PTPRN2: variants seen among roughly 807,000 people sequenced by gnomAD.
PTPRN2 encodes receptor-type tyrosine-protein phosphatase N2.
Under a neutral mutation model 118.8 loss-of-function variants are expected in PTPRN2, and 74 were observed. The ratio of observed to expected loss-of-function variants is 0.62; its 90% CI spans 0.52 to 0.76. PTPRN2 has a LOEUF of 0.76. PTPRN2 is among the 30% of genes least tolerant of loss of function. PTPRN2 has a pLI of 0.00. For synonymous variants in PTPRN2, 641 were observed against 608.0 expected (o/e 1.05, Z -0.80); for missense variants, 1,481 against 1,394.4 (o/e 1.06, Z -0.99).
chr7:158,341,013 G>A (rs1311345504), intron 2 of PTPRN2, among the ~76,000 whole-genome samples: 2 of 41,602 alleles, frequency 4.8e-5, no homozygotes, highest in East Asian at 6.0e-4. Flanking sequence ...GAAACCTGCA[G>A]ACGTCACTCA....
intron 2 of PTPRN2, among the ~76,000 whole-genome samples, chr7:158,337,451 T>A (rs1805867036): frequency 6.9e-6 from 1 of 144,222 alleles, no homozygotes; most frequent in Non-Finnish European, 1.5e-5. Context: ...CCCACAGACG[T>A]CACTCAAACC....
At position 158,379,540 on chromosome 7, in the gene PTPRN2, A is replaced by T. The variant is rs1810798792; in HGVS notation, c.164-62608T>A. Reference sequence around the variant, plus strand: ...AATGGTACAGACGAAAGACAAAAACAACTCCGAACTCAAACTCACACCTCA... The same window carrying T: ...AATGGTACAGACGAAAGACAAAAACTACTCCGAACTCAAACTCACACCTCA... On this transcript the variant is annotated intron_variant, in intron 2 of 22. Transcript: ENST00000389418. 2.0e-5 allele frequency among the ~76,000 whole-genome samples: 3 copies of T among 151,934 alleles called. No individual in the cohort carries two copies. In the South Asian group the frequency reaches 6.2e-4, roughly 32 times the overall value.
intron 1 of PTPRN2, among the ~76,000 whole-genome samples, chr7:158,497,480 C>A (rs1407582195): frequency 6.6e-6 from 1 of 151,984 alleles, no homozygotes; most frequent in African/African-American, 2.4e-5. Flanking sequence ...CAGCGCAGGG[C>A]ATTTCTGGAG....
chr7:158,068,001 C>T (rs549996357), intron 11 of PTPRN2, among the ~76,000 whole-genome samples: 1 of 152,188 alleles, frequency 6.6e-6, no homozygotes, highest in African/African-American at 2.4e-5. Context: ...GTGGCATGGA[C>T]CTTGCAGCTG....
intron 15 of PTPRN2, among the ~76,000 whole-genome samples, chr7:157,613,767 G>T (rs962950114): frequency 2.0e-5 from 3 of 152,204 alleles, no homozygotes; most frequent in Non-Finnish European, 4.4e-5. Flanking sequence ...GCGGCAGCCT[G>T]AACTGCCGTT....
chr7:157,752,145 C>T (rs999227518), intron 12 of PTPRN2, among the ~76,000 whole-genome samples: 6 of 152,262 alleles, frequency 3.9e-5, no homozygotes, highest in African/African-American at 1.4e-4. Context: ...TCAGAGCCCA[C>T]CTGCCTGCTG....
intron 11 of PTPRN2, among the ~76,000 whole-genome samples, chr7:158,074,426 G>A (rs1247246729): frequency 1.3e-5 from 2 of 152,226 alleles, no homozygotes; most frequent in Non-Finnish European, 2.9e-5. Context: ...GTGAAAGCCT[G>A]CAGAGAATCC....
rs534187406 is a variant in PTPRN2, at chr7:157,566,702, A to G, written c.2902+2200T>C. Among the ~76,000 whole-genome samples the G allele has an allele frequency of 2.5e-4, 38 of 152,376 alleles. No homozygotes were observed. In the East Asian group the frequency reaches 4.2e-3, roughly 17 times the overall value. ...AGGAGAATTGACATCACATGCCACA[A>G]TGGAGCCAGTGAACAGCAGCTCAGG... On this transcript the variant is annotated intron_variant, in intron 21 of 22. Transcript: ENST00000389418.
intron 6 of PTPRN2, among the ~76,000 whole-genome samples, chr7:158,156,721 G>T (rs1199635938): frequency 6.6e-6 from 1 of 152,216 alleles, no homozygotes; most frequent in African/African-American, 2.4e-5. Context: ...AAGGGGAAAG[G>T]CTCCCCCAGT....
At chr7:158,116,769 G>A (rs1816763726) in intron 9 of PTPRN2, among the ~76,000 whole-genome samples, 1 of 152,058 alleles carries the variant, frequency 6.6e-6, no homozygotes, top group South Asian at 2.1e-4. Flanking sequence ...CCGCTTTTGG[G>A]AGCCAGAAAT....
intron 2 of PTPRN2, among the ~76,000 whole-genome samples, chr7:158,340,329 ACCCACACTG>A (rs2151218698): frequency 9.8e-6 from 1 of 102,314 alleles, no homozygotes; most frequent in Non-Finnish European, 2.1e-5. Context: ...CATCACTCAC[ACCCACACTG>A]TCACCATAAG....
At chr7:157,835,461 G>A (rs542487625) in intron 12 of PTPRN2, among the ~76,000 whole-genome samples, 3 of 152,288 alleles carry the variant, frequency 2.0e-5, no homozygotes, top group African/African-American at 4.8e-5. Flanking sequence ...AAAGCTCTTC[G>A]AGAATCACGA....
intron 3 of PTPRN2, among the ~76,000 whole-genome samples, chr7:158,258,447 G>C (rs777954435): frequency 6.6e-6 from 1 of 152,214 alleles, no homozygotes; most frequent in African/African-American, 2.4e-5. Context: ...GAATCGCCGC[G>C]AGACGACCCT....
chr7:158,115,556 G>A (rs139103784), intron 9 of PTPRN2, among the ~76,000 whole-genome samples: 257 of 152,184 alleles, frequency 1.7e-3, no homozygotes, highest in African/African-American at 5.7e-3. Context: ...CAGGTCATGA[G>A]GGTGGAGTCT....
chr7:158,456,334 C>T (rs1279314300), intron 2 of PTPRN2, among the ~76,000 whole-genome samples: 4 of 149,984 alleles, frequency 2.7e-5, no homozygotes, highest in African/African-American at 4.9e-5. Context: ...ACCCATCGCT[C>T]TGCAGAGAAG....
chr7:157,710,475 C>T (rs913918394), intron 12 of PTPRN2, among the ~76,000 whole-genome samples: 8 of 147,750 alleles, frequency 5.4e-5, no homozygotes, highest in Non-Finnish European at 1.2e-4. Flanking sequence ...AGCTGCCTAA[C>T]CGCCCCCACC....
intron 15 of PTPRN2, 62 bp from the exon 16 acceptor site, chr7:157,604,137 A>C: frequency 6.6e-7 from 1 of 1,520,132 alleles, no homozygotes; most frequent in South Asian, 1.1e-5. Context: ...TGAGACCCCC[A>C]CTTGGCCTCC....
chr7:157,853,094 G>T (rs1167438733), intron 12 of PTPRN2, among the ~76,000 whole-genome samples: 1 of 152,152 alleles, frequency 6.6e-6, no homozygotes, highest in African/African-American at 2.4e-5. Flanking sequence ...GCAGGCAGTG[G>T]ATGGGTATTT....
At chr7:157,917,449 T>C (rs1350424541) in intron 11 of PTPRN2, among the ~76,000 whole-genome samples, 1 of 152,228 alleles carries the variant, frequency 6.6e-6, no homozygotes, top group Non-Finnish European at 1.5e-5. Flanking sequence ...GACTCTCATC[T>C]GCGGGTCTCC....
Sources: allele counts gnomAD v4.1 joint callset (sites outside exome capture counted in the v4.1 genomes callset), GRCh38; gene constraint gnomAD v4.1.1; transcripts MANE v1.5; gene names NCBI Gene and HGNC (gene_info 2026-07-23, HGNC 2026-07-21).